Variants in CACNA1B observed in about 807,000 individuals in gnomAD.
The protein encoded by CACNA1B is voltage-dependent N-type calcium channel subunit alpha-1B.
CACNA1B carries 70 observed loss-of-function variants against 247.2 expected under a neutral mutation model. The ratio of observed to expected loss-of-function variants is 0.28; its 90% CI spans 0.23 to 0.35. The LOEUF is 0.35. Ranked by LOEUF, CACNA1B falls within the 10% of genes least tolerant of loss-of-function variation. The pLI is 1.00. For missense variants in CACNA1B, 2,367 were observed against 3,197.4 expected (o/e 0.74, Z 6.26); for synonymous variants, 1,231 against 1,294.4 (o/e 0.95, Z 1.05).
chr9:137,969,622 G>GC (rs1958121548), intron 10 of CACNA1B, among the ~76,000 whole-genome samples: 1 of 152,200 alleles, frequency 6.6e-6, no homozygotes, highest in African/African-American at 2.4e-5. Context: ...TCCCAGAGTG[G>GC]CCCTGTTTGT....
At chr9:138,108,308 C>CAAAAAAAAAAA (rs935431476) in intron 39 of CACNA1B, among the ~76,000 whole-genome samples, 1 of 44,092 alleles carries the variant, frequency 2.3e-5, no homozygotes, top group Non-Finnish European at 4.8e-5. Context: ...AACCCCATCT[C>CAAAAAAAAAAA]AAAAAAAAAA....
In CACNA1B at chr9:137,971,042, G is replaced by A. The variant is rs1156730310; in HGVS notation, c.1334-341G>A. ...TGGGGAGGGACTAACTCAGATTTAT[G>A]TCTTCAGGGGAAAAAGCTTGGGGTG... is the stretch of plus-strand genomic sequence containing the variant. On this transcript the variant is annotated intron_variant, in intron 10 of 46. Coordinates refer to ENST00000371372, the MANE Select transcript of CACNA1B (RefSeq NM_000718.4). This position sits in a 1 kb window ranked among gnomAD's most constrained non-coding sequence, Gnocchi z 4.4. Among the ~76,000 whole-genome samples, 2 of 152,204 alleles carry A rather than the reference G, an allele frequency of 1.3e-5. No individual in the cohort carries two copies. The highest frequency in any genetic ancestry group is 4.8e-5 in the African/African-American group (2 of 41,450).
chr9:138,077,747 T>C (rs1437491209), intron 35 of CACNA1B, among the ~76,000 whole-genome samples: 3 of 151,892 alleles, frequency 2.0e-5, no homozygotes. Flanking sequence ...ACCCCCACAG[T>C]TTTGGTTGGA....
intron 31 of CACNA1B, among the ~76,000 whole-genome samples, chr9:138,067,997 A>C (rs903608274): frequency 6.6e-6 from 1 of 152,222 alleles, no homozygotes; most frequent in Non-Finnish European, 1.5e-5. Context: ...ATGATGTGAA[A>C]TTGAAACACA....
chr9:138,115,688 C>T lies in CACNA1B; in HGVS notation c.5777+9C>T. 6.2e-7 allele frequency: 1 copy of T among 1,610,560 alleles called. No individual in the cohort carries two copies. The highest frequency in any genetic ancestry group is 8.5e-7 in the Non-Finnish European group (1 of 1,177,996). ...AGCAATGGCGGGGCCATGTGAGTATCCAGATGCAGGACATAGCTGGACAGG... is the reference window on the plus strand; with the variant it reads ...AGCAATGGCGGGGCCATGTGAGTATTCAGATGCAGGACATAGCTGGACAGG... On this transcript the variant is annotated intron_variant, in intron 42 of 46. Transcript: ENST00000371372.
At chr9:137,969,802 G>T (rs1958123906) in intron 10 of CACNA1B, among the ~76,000 whole-genome samples, 1 of 152,208 alleles carries the variant, frequency 6.6e-6, no homozygotes, top group African/African-American at 2.4e-5. Context: ...TTCAGAGTGT[G>T]TGGGCTTGTT....
intron 15 of CACNA1B, among the ~76,000 whole-genome samples, chr9:137,991,394 A>G (rs1007506170): frequency 6.6e-6 from 1 of 152,232 alleles, no homozygotes; most frequent in African/African-American, 2.4e-5. Context: ...GAATTTCAAA[A>G]AATGAAGCCT....
rs777430042 is a variant in CACNA1B at position 138,011,814 on chromosome 9, C to T, written c.2161-1315C>T. On this transcript the variant is annotated intron_variant, in intron 17 of 46. Transcript: ENST00000371372. The surrounding 1 kb of genome is among the most constrained non-coding windows in gnomAD (Gnocchi z 4.2). Reference sequence around the variant, plus strand: ...AGGGACTTAGTTTCTGCCAGCGTTGCGCCCCGAATGCAGATTCAAGGACAT... The same window carrying T: ...AGGGACTTAGTTTCTGCCAGCGTTGTGCCCCGAATGCAGATTCAAGGACAT... Among the ~76,000 whole-genome samples the T allele has an allele frequency of 1.3e-5, 2 of 152,168 alleles. No individual in the cohort carries two copies. The highest frequency in any genetic ancestry group is 6.5e-5 in the Admixed American group (1 of 15,286).
At chr9:137,966,668 AGCTGGGACTACAGGCACGT>A (rs1162182460) in intron 10 of CACNA1B, among the ~76,000 whole-genome samples, 5 of 151,662 alleles carry the variant, frequency 3.3e-5, no homozygotes, top group Non-Finnish European at 7.4e-5. Flanking sequence ...CCTCCCAAGT[AGCTGGGACTACAGGCACGT>A]GCCACCACGC....
At chr9:138,104,801 C>A (rs573941631) in intron 38 of CACNA1B, among the ~76,000 whole-genome samples, 116 of 152,358 alleles carry the variant, frequency 7.6e-4, no homozygotes, top group Non-Finnish European at 1.3e-3. Flanking sequence ...CCTTGCTCCC[C>A]ACGCTCAAAA....
intron 18 of CACNA1B, chr9:138,017,223 T>C (rs1383269193): frequency 1.9e-6 from 1 of 518,846 alleles, no homozygotes; most frequent in African/African-American, 1.9e-5. Context: ...TGCTACGATA[T>C]TCCATCCATG....
intron 39 of CACNA1B, among the ~76,000 whole-genome samples, chr9:138,106,056 A>G (rs567373962): frequency 3.9e-5 from 6 of 152,278 alleles, no homozygotes; most frequent in African/African-American, 1.4e-4. Flanking sequence ...GATTTCATAA[A>G]TTGCCCAGGT....
At chr9:138,099,153 G>GT (rs1961158457) in intron 37 of CACNA1B, among the ~76,000 whole-genome samples, 1 of 152,264 alleles carries the variant, frequency 6.6e-6, no homozygotes, top group Non-Finnish European at 1.5e-5. Context: ...ATGTGTGCAT[G>GT]TACATGGCTG....
intron 24 of CACNA1B, chr9:138,049,986 A>C: frequency 1.1e-6 from 1 of 887,854 alleles, no homozygotes; most frequent in Non-Finnish European, 1.6e-6. Flanking sequence ...GACATGAGGG[A>C]GGGTCCACAT....
Position 137,917,747 on chromosome 9 carries a change from A to T in CACNA1B, c.966+316A>T, listed in dbSNP as rs1957428570. On this transcript the variant is annotated intron_variant, in intron 6 of 46. Transcript: ENST00000371372. This position sits in a 1 kb window ranked among gnomAD's most constrained non-coding sequence, Gnocchi z 5.5. ...AGGAGATGCTGCTGTTTCTGTTGGC[A>T]AGGACGATAGTAGCACTGCTAGCTG... Among the ~76,000 whole-genome samples the T allele has an allele frequency of 6.6e-6, 1 of 152,232 alleles. No individual in the cohort carries two copies. The highest frequency in any genetic ancestry group is 6.5e-5 in the Admixed American group (1 of 15,292).
At chr9:138,046,737 G>GGCT (rs1959188901) in intron 21 of CACNA1B, among the ~76,000 whole-genome samples, 167 bp from the exon 22 acceptor site, 1 of 152,222 alleles carries the variant, frequency 6.6e-6, no homozygotes. Context: ...TCCGTCACCT[G>GGCT]GCTGCCACCA....
In CACNA1B at chr9:137,882,894, T is replaced by C; in HGVS notation, c.530+11T>C. On this transcript the variant is annotated intron_variant, in intron 3 of 46. Coordinates refer to ENST00000371372, the MANE Select transcript of CACNA1B (RefSeq NM_000718.4). The surrounding 1 kb of genome is among the most constrained non-coding windows in gnomAD (Gnocchi z 4.0). ...GGTCGTCCTCACAGGGTAGGCAAGC[T>C]GAGGCCAGGAGGCCCAGCGTGTGAG... 1 of 1,613,272 alleles carries C rather than the reference T, an allele frequency of 6.2e-7. No individual in the cohort carries two copies. Among genetic ancestry groups the C allele is most frequent in the Non-Finnish European group, 8.5e-7 (1 of 1,179,494 alleles).
chr9:138,110,600 C>CG lies in CACNA1B; in HGVS notation c.5429-1797dup, dbSNP rs60823546. On this transcript the variant is annotated intron_variant, in intron 39 of 46. Coordinates refer to ENST00000371372, the MANE Select transcript of CACNA1B (RefSeq NM_000718.4). ...TTAAAAAATCAGCTGGGCATGGTGG[C>CG]GCATGCCTGTGGTCCCAGCTACTCA... 6.0e-4 allele frequency among the ~76,000 whole-genome samples: 92 copies of CG among 152,172 alleles called. 2 individuals are homozygous for CG. The East Asian group carries it at 0.014, about 24-fold the overall frequency.
chr9:138,023,412 G>A lies in CACNA1B; in HGVS notation c.2669G>A (p.Arg890His). 8 of 1,323,084 alleles carry A rather than the reference G, an allele frequency of 6.0e-6. No homozygotes were observed. The highest frequency in any genetic ancestry group is 2.1e-5 in the South Asian group (1 of 48,070). 82.0% of individuals were successfully genotyped at this position (1,323,084 alleles called of 1,614,324 possible). A position where few individuals can be genotyped will look rare whatever the true frequency, so the allele number is the denominator to read the frequency against. The change falls in exon 19 of 47, where the codon CGC (arginine) becomes CAC (histidine). Residue 890 changes from arginine (R) to histidine (H), a missense_variant. This residue lies in a region of CACNA1B where 631 missense variants were observed against 631.1 expected (regional missense o/e 1.00). Transcript: ENST00000371372. ...CGGGAGGAGCGGCCGCGGCCGCACCGCAGCCACAGCAAGGAGGCCGCGGGG... is the reference window on the plus strand; with the variant it reads ...CGGGAGGAGCGGCCGCGGCCGCACCACAGCCACAGCAAGGAGGCCGCGGGG... ...GAREERPRPH[R>H]SHSKEAAGPP... is the part of the protein sequence containing the mutation.
Sources: gnomAD v4.1 joint callset for allele counts (sites outside exome capture counted in the v4.1 genomes callset) on GRCh38, gnomAD v4.1.1 for gene constraint, gnomAD v4.1.1 regional missense constraint, Gnocchi (gnomAD v3.1) non-coding constraint, MANE v1.5 for transcripts, NCBI Gene and HGNC (gene_info 2026-07-23, HGNC 2026-07-21) for gene names.